MYO1E: variants seen among roughly 807,000 people sequenced by gnomAD.
The protein encoded by MYO1E is unconventional myosin-Ie.
Under a neutral mutation model 151.1 loss-of-function variants are expected in MYO1E, and 68 were observed. The ratio of observed to expected loss-of-function variants is 0.45; its 90% CI spans 0.37 to 0.55. The LOEUF is 0.55. MYO1E is among the 20% of genes least tolerant of loss of function. The probability of loss-of-function intolerance (pLI) is 0.00; values close to 1 mark genes in which losing one functional copy is unlikely to be tolerated. For synonymous variants in MYO1E, 601 were observed against 501.7 expected, an observed-to-expected ratio of 1.20 and a Z score of -2.64; for missense variants, 1,363 against 1,389.3, an observed-to-expected ratio of 0.98 and a Z score of 0.30.
rs1453911048 is a variant in MYO1E, at chr15:59,132,648, T to C, written c.*4732A>G. ...TAAAAATGAGATGATGTATCCATAG[T>C]ATAGAAGAGCACTAACTCTGAACGT... On this transcript the variant is annotated 3_prime_UTR_variant, in exon 28 of 28. Transcript: ENST00000288235. The C allele has an allele frequency of 1.3e-5, 2 of 152,112 alleles. No individual in the cohort carries two copies. The highest frequency in any genetic ancestry group is 2.9e-5 in the Non-Finnish European group (2 of 68,014). 9.4% of individuals were successfully genotyped at this position (152,112 alleles called of 1,614,324 possible). A position where few individuals can be genotyped will look rare whatever the true frequency, so the allele number is the denominator to read the frequency against.
In MYO1E at chr15:59,372,567, T is replaced by C; in HGVS notation, c.-67A>G. 6.6e-7 allele frequency: 1 copy of C among 1,523,192 alleles called. No individual in the cohort carries two copies. The highest frequency in any genetic ancestry group is 8.8e-7 in the Non-Finnish European group (1 of 1,133,982). The allele number at this position is 1,523,192 out of a possible 1,614,324, so 94.4% of individuals were successfully genotyped here. On this transcript the variant is annotated 5_prime_UTR_variant, in exon 1 of 28. Coordinates refer to ENST00000288235, the MANE Select transcript of MYO1E (RefSeq NM_004998.4). ...CCGGGGAACTGGGGCTGGAACGCAG[T>C]CTTCTGGGCGAACTTCAAAAGTTGG...
chr15:59,309,531 A>G (rs1397641288), intron 1 of MYO1E, among the ~76,000 whole-genome samples: 1 of 152,222 alleles, frequency 6.6e-6, no homozygotes, highest in African/African-American at 2.4e-5. Flanking sequence ...CAGGTTCACT[A>G]AGAATTTTTG....
chr15:59,185,427 C>G (rs549678548), intron 18 of MYO1E, among the ~76,000 whole-genome samples: 9 of 152,312 alleles, frequency 5.9e-5, no homozygotes, highest in African/African-American at 2.2e-4. Context: ...GCCACTGCAC[C>G]TGGCTAATTT....
intron 25 of MYO1E, among the ~76,000 whole-genome samples, chr15:59,158,054 G>C (rs1377242961): frequency 6.6e-6 from 1 of 152,174 alleles, no homozygotes; most frequent in Non-Finnish European, 1.5e-5. Context: ...GTAATATTTC[G>C]AGGTAATGAA....
At position 59,256,318 on chromosome 15, in the gene MYO1E, T is replaced by C. The variant is rs1477609825; in HGVS notation, c.298A>G (p.Ile100Val). ...ALADNMYRNM[I>V]IDRENQCVII... is the part of the protein sequence containing the mutation. ...ACGCACTGGTTCTCTCTGTCAATGA[T>C]CATGTTTCTGTACATATTATCTGCA... Residue 100 changes from isoleucine (I) to valine (V), a missense_variant, in exon 4 of 28, where the codon ATC (isoleucine) becomes GTC (valine). Physicochemically the swap from Ile to Val is conservative, Grantham distance 29. Transcript: ENST00000288235. The C allele has an allele frequency of 6.2e-7, 1 of 1,612,950 alleles. No individual in the cohort carries two copies. The highest frequency in any genetic ancestry group is 8.5e-7 in the Non-Finnish European group (1 of 1,179,196).
At chr15:59,176,449 CTTTT>C in intron 19 of MYO1E, among the ~76,000 whole-genome samples, 1 of 111,990 alleles carries the variant, frequency 8.9e-6, no homozygotes, top group South Asian at 2.6e-4. Flanking sequence ...TTTCTTTTTC[CTTTT>C]TTTTTTTTTT....
chr15:59,260,634 G>T (rs1407905703), intron 3 of MYO1E, among the ~76,000 whole-genome samples: 3 of 152,116 alleles, frequency 2.0e-5, no homozygotes, highest in Non-Finnish European at 4.4e-5. Context: ...AACTGAAATG[G>T]CTATGGAGCT....
At chr15:59,209,334 A>C (rs1204761870) in intron 13 of MYO1E, among the ~76,000 whole-genome samples, 1 of 152,108 alleles carries the variant, frequency 6.6e-6, no homozygotes, top group African/African-American at 2.4e-5. Flanking sequence ...CACACTTACT[A>C]TTTTAATGGC....
At chr15:59,238,801 C>T (rs1193187054) in intron 4 of MYO1E, among the ~76,000 whole-genome samples, 1 of 151,936 alleles carries the variant, frequency 6.6e-6, no homozygotes. Flanking sequence ...CAACTCCTGA[C>T]CCCAGGTGAT....
chr15:59,147,968 A>T (rs1201310129), intron 26 of MYO1E, among the ~76,000 whole-genome samples: 2 of 152,246 alleles, frequency 1.3e-5, no homozygotes, highest in Non-Finnish European at 2.9e-5. Context: ...CCACTGGGCC[A>T]GGAAACATCA....
At chr15:59,157,426 T>C (rs2079515274) in intron 25 of MYO1E, among the ~76,000 whole-genome samples, 1 of 152,198 alleles carries the variant, frequency 6.6e-6, no homozygotes, top group South Asian at 2.1e-4. Context: ...ATGATTTTGC[T>C]TTCCACTGTT....
chr15:59,333,417 A>G, intron 1 of MYO1E, among the ~76,000 whole-genome samples: 1 of 151,930 alleles, frequency 6.6e-6, no homozygotes, highest in Non-Finnish European at 1.5e-5. Context: ...TAATTTTTGT[A>G]TTTTTTGTAG....
chr15:59,241,175 A>G (rs77500619), intron 4 of MYO1E, among the ~76,000 whole-genome samples: 2 of 152,200 alleles, frequency 1.3e-5, no homozygotes, highest in African/African-American at 2.4e-5. Flanking sequence ...TGAGCCATAC[A>G]TAAGAGGCAA....
intron 10 of MYO1E, among the ~76,000 whole-genome samples, chr15:59,215,350 C>G (rs1462756212): frequency 6.6e-6 from 1 of 152,156 alleles, no homozygotes; most frequent in African/African-American, 2.4e-5. Flanking sequence ...CTCAAAATGG[C>G]AGTGATACCA....
chr15:59,172,119 G>A, intron 21 of MYO1E, 77 bp from the exon 22 acceptor site: 1 of 1,530,124 alleles, frequency 6.5e-7, no homozygotes. Flanking sequence ...TACTTTCGGA[G>A]GCCGAGGCGG....
rs2079638628 is a variant in MYO1E, at chr15:59,178,454, T to C, written c.1988A>G (p.Asn663Ser). The change falls in exon 19 of 28, where the codon AAC becomes AGC. Residue 663 changes from asparagine (N) to serine (S), a missense_variant. Coordinates refer to ENST00000288235, the MANE Select transcript of MYO1E (RefSeq NM_004998.4). Reference protein sequence around the residue: ...QGVLHLLQSVNMDSDQFQLGR... With the variant: ...QGVLHLLQSVSMDSDQFQLGR... Reference sequence around the variant, plus strand: ...CAGCTGGAACTGGTCGCTGTCCATGTTGACCGACTGCAGCAGGTGCAGGAC... The same window carrying C: ...CAGCTGGAACTGGTCGCTGTCCATGCTGACCGACTGCAGCAGGTGCAGGAC... The C allele has an allele frequency of 1.2e-6, 2 of 1,614,222 alleles. No individual in the cohort carries two copies. Among genetic ancestry groups the C allele is most frequent in the Non-Finnish European group, 1.7e-6 (2 of 1,180,030 alleles).
intron 2 of MYO1E, among the ~76,000 whole-genome samples, chr15:59,264,419 G>A (rs1264462272): frequency 1.3e-5 from 2 of 152,122 alleles, no homozygotes; most frequent in African/African-American, 4.8e-5. Context: ...ATTATTACTG[G>A]TAGCCAGATT....
chr15:59,317,676 T>G (rs1295367366), intron 1 of MYO1E, among the ~76,000 whole-genome samples: 2 of 152,078 alleles, frequency 1.3e-5, no homozygotes, highest in East Asian at 1.9e-4. Context: ...GTAAACCCTG[T>G]GTAAGAAAGG....
intron 4 of MYO1E, among the ~76,000 whole-genome samples, chr15:59,249,333 G>A (rs1217784700): frequency 1.3e-5 from 2 of 149,380 alleles, no homozygotes; most frequent in Non-Finnish European, 1.5e-5. Context: ...GCTGAGGCAA[G>A]AAAATCACTT....
Sources: allele counts gnomAD v4.1 joint callset (sites outside exome capture counted in the v4.1 genomes callset), GRCh38; gene constraint gnomAD v4.1.1; transcripts MANE v1.5; gene names NCBI Gene and HGNC (gene_info 2026-07-23, HGNC 2026-07-21).